The following NLGN4X variants were observed in gnomAD, a reference collection of about 807,000 sequenced individuals.
NLGN4X encodes the protein neuroligin-4, X-linked.
In NLGN4X, 3 loss-of-function variants were observed where a neutral mutation model predicts 40.3. That is an observed-to-expected ratio of 0.07 (90% CI 0.03 to 0.19). NLGN4X has a LOEUF of 0.19. NLGN4X is among the 10% of genes least tolerant of loss of function. NLGN4X has a pLI of 1.00. For synonymous variants in NLGN4X, 270 were observed against 306.8 expected, an observed-to-expected ratio of 0.88 and a Z score of 1.25; for missense variants, 382 against 708.3, an observed-to-expected ratio of 0.54 and a Z score of 5.23.
At chrX:6,041,757 A>C (rs2147260704) in intron 2 of NLGN4X, among the ~76,000 whole-genome samples, 1 of 112,793 alleles carries the variant, frequency 8.9e-6, no homozygotes, top group South Asian at 3.6e-4. Flanking sequence ...CAAAATATTC[A>C]GCACATATAA....
At chrX:5,917,297 T>C (rs2032848208) in intron 3 of NLGN4X, among the ~76,000 whole-genome samples, 1 of 112,550 alleles carries the variant, frequency 8.9e-6, no homozygotes, top group Non-Finnish European at 1.9e-5. Flanking sequence ...GTCACCTGCA[T>C]ACTCAGGTAG....
intron 2 of NLGN4X, among the ~76,000 whole-genome samples, chrX:6,121,255 T>C (rs1202304448): frequency 1.8e-5 from 2 of 111,039 alleles, no homozygotes. Context: ...TATTCTAGAA[T>C]ATACAAAATT....
In NLGN4X at chrX:6,225,048, C is replaced by T. The variant is rs1198210303; in HGVS notation, c.-306+3493G>A. Among the ~76,000 whole-genome samples, 10 of 77,149 alleles carry T rather than the reference C, an allele frequency of 1.3e-4. No homozygotes were observed. In the South Asian group the frequency reaches 3.1e-3, roughly 24 times the overall value. The allele number at this position is 77,149 out of a possible 115,157, so 67.0% of individuals were successfully genotyped here. A position where few individuals can be genotyped will look rare whatever the true frequency, so the allele number is the denominator to read the frequency against. ...CACATATATGTAGAAATGTAGAATG[C>T]GTGTGTGTATGTCTGTATACACACA... On this transcript the variant is annotated intron_variant, in intron 1 of 5. Transcript: ENST00000381095.
chrX:5,903,536 T>C lies in NLGN4X; in HGVS notation c.1142A>G (p.Asp381Gly), dbSNP rs2032007977. ...ACCGTCCTCGTTATCCACGATGCCG[T>C]CCACGAACTTCAGGCCTTCCCCTTG... Reference protein sequence around the residue: ...VNQGEGLKFVDGIVDNEDGVT... With the variant: ...VNQGEGLKFVGGIVDNEDGVT... Residue 381 changes from aspartate to glycine, a missense_variant, in exon 5 of 6, where the codon GAC becomes GGC. Around this residue, in one of 5 missense-constraint regions of NLGN4X, gnomAD observed 149 missense variants for 375.8 expected, o/e 0.40. Coordinates refer to ENST00000381095, the MANE Select transcript of NLGN4X (RefSeq NM_181332.3). 8.3e-7 allele frequency: 1 copy of C among 1,207,680 alleles called. No individual in the cohort carries two copies. Among genetic ancestry groups the C allele is most frequent in the African/African-American group, 1.8e-5 (1 of 56,601 alleles).
At position 6,105,290 on chromosome X, in the gene NLGN4X, A is replaced by G. The variant is rs1224361618; in HGVS notation, c.472+45705T>C. On this transcript the variant is annotated intron_variant, in intron 2 of 5. Transcript: ENST00000381095. ...TGGCCAGGCTGGTCTTGAACTCCCG[A>G]CCTCAAGTGATCCACCTGCCTTGGC... Among the ~76,000 whole-genome samples the G allele has an allele frequency of 1.7e-4, 19 of 111,268 alleles. No individual in the cohort carries two copies. In the Admixed American group the frequency reaches 1.7e-3, roughly 10 times the overall value.
Position 6,174,785 on chromosome X carries a change from TA to T in NLGN4X, c.-305-23015del, listed in dbSNP as rs779715340. ...GGGAGCAATAGGCACAGGGGACTAC[TA>T]GAATGGGAAGTGAGTAGGGTGAGGA... On this transcript the variant is annotated intron_variant, in intron 1 of 5. Transcript: ENST00000381095. Among the ~76,000 whole-genome samples, 10 of 111,554 alleles carry T rather than the reference TA, an allele frequency of 9.0e-5. 1 individual carries two copies. In the Admixed American group the frequency reaches 9.5e-4, roughly 11 times the overall value.
rs2032614425 is a variant in NLGN4X, at chrX:5,913,486, G to C, written c.626-4247C>G. Among the ~76,000 whole-genome samples, 7 of 111,849 alleles carry C rather than the reference G, an allele frequency of 6.3e-5. No homozygotes were observed. The South Asian group carries it at 2.6e-3, about 42-fold the overall frequency. On this transcript the variant is annotated intron_variant, in intron 3 of 5. Coordinates refer to ENST00000381095, the MANE Select transcript of NLGN4X (RefSeq NM_181332.3). ...CAACAAATGGCTCCTTTAACTGACA[G>C]GTCCTTTAGGCTACAAACTCTCTAA...
chrX:6,174,300 A>G (rs752028486), intron 1 of NLGN4X, among the ~76,000 whole-genome samples: 1 of 111,622 alleles, frequency 9.0e-6, no homozygotes, highest in Non-Finnish European at 1.9e-5. Flanking sequence ...GTTTGCAGAG[A>G]AAAAGGGAAC....
chrX:6,151,553 G>T lies in NLGN4X; in HGVS notation c.-87C>A. ...CCAGAGGCGAGCCTGCAGAGAGATAGGGCTTTCCAGGGAGCAGTAGACCTG... is the reference window on the plus strand; with the variant it reads ...CCAGAGGCGAGCCTGCAGAGAGATATGGCTTTCCAGGGAGCAGTAGACCTG... On this transcript the variant is annotated 5_prime_UTR_variant, in exon 2 of 6. Coordinates refer to ENST00000381095, the MANE Select transcript of NLGN4X (RefSeq NM_181332.3). 1.3e-6 allele frequency: 1 copy of T among 757,582 alleles called. No homozygotes were observed. The allele number at this position is 757,582 out of a possible 1,213,427, so 62.4% of individuals were successfully genotyped here.
At chrX:6,180,496 G>A (rs1372443565) in intron 1 of NLGN4X, among the ~76,000 whole-genome samples, 1 of 111,550 alleles carries the variant, frequency 9.0e-6, no homozygotes, top group African/African-American at 3.3e-5. Flanking sequence ...CTCTCCAGAA[G>A]CAAAAACCCC....
At chrX:6,043,476 A>G (rs894645269) in intron 2 of NLGN4X, among the ~76,000 whole-genome samples, 1 of 111,413 alleles carries the variant, frequency 9.0e-6, no homozygotes, top group South Asian at 3.8e-4. Context: ...GTTCTGTTGC[A>G]TCATACTTTT....
intron 1 of NLGN4X, among the ~76,000 whole-genome samples, chrX:6,175,655 G>GAAAAAAAAAAAAAAAAAAA (rs3045369): frequency 9.8e-5 from 6 of 60,991 alleles, no homozygotes; most frequent in African/African-American, 3.9e-4. Flanking sequence ...ATCTATTACA[G>GAAAAAAAAAAAAAAAAAAA]AAAAAAAAAA....
At chrX:6,123,055 G>A (rs2039459270) in intron 2 of NLGN4X, among the ~76,000 whole-genome samples, 1 of 109,297 alleles carries the variant, frequency 9.1e-6, no homozygotes, top group African/African-American at 3.3e-5. Flanking sequence ...AAAAGACTAG[G>A]AAGAACTACA....
chrX:5,979,939 G>T (rs1049236390), intron 3 of NLGN4X, among the ~76,000 whole-genome samples: 41 of 101,929 alleles, frequency 4.0e-4, no homozygotes, highest in African/African-American at 1.6e-3. Flanking sequence ...TACTACATGT[G>T]CTATATATAT....
chrX:5,938,969 G>C (rs1445775895), intron 3 of NLGN4X, among the ~76,000 whole-genome samples: 1 of 100,516 alleles, frequency 9.9e-6, no homozygotes, highest in Non-Finnish European at 2.0e-5. Context: ...GTGTGTGCGT[G>C]TGTGTGTGTG....
At chrX:6,021,002 T>TTCTTTCTTTCTCTC (rs2036516851) in intron 3 of NLGN4X, among the ~76,000 whole-genome samples, 1 of 24,125 alleles carries the variant, frequency 4.1e-5, no homozygotes, top group Non-Finnish European at 7.4e-5. Context: ...CTTCCTTCTT[T>TTCTTTCTTTCTCTC]TCTCTCTCTC....
chrX:6,037,807 A>G (rs1173699585), intron 2 of NLGN4X, among the ~76,000 whole-genome samples: 1 of 110,415 alleles, frequency 9.1e-6, no homozygotes, highest in Non-Finnish European at 1.9e-5. Flanking sequence ...ACAGATGTGG[A>G]TGTGATTGAT....
At chrX:5,954,610 CTGTCTCTGTCTCTCTCTGTCTCTG>C (rs1477946661) in intron 3 of NLGN4X, among the ~76,000 whole-genome samples, 5 of 100,676 alleles carry the variant, frequency 5.0e-5, no homozygotes, top group African/African-American at 1.9e-4. Context: ...GTCTCTGTCT[CTGTCTCTGTCTCTCTCTGTCTCTG>C]TCTCTCTCTC....
intron 2 of NLGN4X, among the ~76,000 whole-genome samples, chrX:6,150,388 T>C (rs975489809): frequency 2.7e-5 from 3 of 112,523 alleles, no homozygotes; most frequent in African/African-American, 9.7e-5. Flanking sequence ...TAGAATCATC[T>C]GATTACATTT....
Sources: allele counts gnomAD v4.1 joint callset (sites outside exome capture counted in the v4.1 genomes callset), GRCh38; gene constraint gnomAD v4.1.1; regional missense constraint gnomAD v4.1.1; transcripts MANE v1.5; gene names NCBI Gene and HGNC (gene_info 2026-07-23, HGNC 2026-07-21).